Variants in KLHDC1 observed in about 807,000 individuals in gnomAD.
KLHDC1 encodes kelch domain containing 1.
KLHDC1 carries 53 observed loss-of-function variants against 68.3 expected under a neutral mutation model. The ratio of observed to expected loss-of-function variants is 0.78; its 90% CI spans 0.62 to 0.98. KLHDC1 has a LOEUF of 0.98. Ranked by LOEUF, KLHDC1 falls within the 50% of genes least tolerant of loss-of-function variation. The probability of loss-of-function intolerance (pLI) is 0.00; values close to 1 mark genes in which losing one functional copy is unlikely to be tolerated. For synonymous variants in KLHDC1, 148 were observed against 159.0 expected, an observed-to-expected ratio of 0.93 and a Z score of 0.52; for missense variants, 470 against 492.3, an observed-to-expected ratio of 0.95 and a Z score of 0.43.
Position 49,693,769 on chromosome 14 carries a change from T to A in KLHDC1, c.96+479T>A, listed in dbSNP as rs57908059. On this transcript the variant is annotated intron_variant, in intron 1 of 12. Transcript: ENST00000359332. ...TTTTCTTTTTTTTTTTTTTTTGAGA[T>A]GGAGTTTCGCTCTTGTTGCCCAGGG... Among the ~76,000 whole-genome samples, 2 of 54,184 alleles carry A rather than the reference T, an allele frequency of 3.7e-5. 1 individual carries two copies. Among genetic ancestry groups the A allele is most frequent in the Non-Finnish European group, 8.2e-5 (2 of 24,538 alleles). The allele number at this position is 54,184 out of a possible 152,430, so 35.5% of individuals were successfully genotyped here. A position where few individuals can be genotyped will look rare whatever the true frequency, so the allele number is the denominator to read the frequency against.
chr14:49,736,018 AAAAG>A (rs1888923123), intron 10 of KLHDC1, among the ~76,000 whole-genome samples: 1 of 152,214 alleles, frequency 6.6e-6, no homozygotes, highest in Non-Finnish European at 1.5e-5. Context: ...CTGTCTCAAA[AAAAG>A]AAAGAAAGAA....
intron 1 of KLHDC1, among the ~76,000 whole-genome samples, chr14:49,705,479 C>T (rs539866014): frequency 1.4e-5 from 2 of 148,028 alleles, no homozygotes; most frequent in East Asian, 4.0e-4. Flanking sequence ...AGCAATTCTC[C>T]TGTCTCAGCC....
chr14:49,736,054 C>T (rs563955875), intron 10 of KLHDC1, among the ~76,000 whole-genome samples: 86 of 152,160 alleles, frequency 5.7e-4, no homozygotes, highest in Middle Eastern at 3.4e-3. Context: ...ATTTTTTCAT[C>T]GGTGAAATAA....
intron 1 of KLHDC1, 92 bp downstream of exon 1, chr14:49,693,382 C>A: frequency 2.1e-6 from 2 of 940,960 alleles, no homozygotes; most frequent in Non-Finnish European, 2.9e-6. Flanking sequence ...CCCGAGGCTG[C>A]GGCCCAGGCC....
chr14:49,735,282 A>C (rs1340157509), intron 10 of KLHDC1, among the ~76,000 whole-genome samples: 1 of 152,022 alleles, frequency 6.6e-6, no homozygotes, highest in Admixed American at 6.6e-5. Flanking sequence ...TGAATAGTGT[A>C]ATAATATCTT....
In KLHDC1 at chr14:49,751,683, AC is replaced by A; in HGVS notation, c.1133del (p.Thr378AsnfsTer38). 13 of 1,608,998 alleles carry A rather than the reference AC, an allele frequency of 8.1e-6. No individual in the cohort carries two copies. The highest frequency in any genetic ancestry group is 9.3e-6 in the Non-Finnish European group (11 of 1,176,782). ...TCTGCAACAAGTACTCAAAAAAATA[AC>A]ATTTTGGGCTGCAGCTAATCACCGA... ...KLLQQVLKKI[T>X]FWAAANHREE... On this transcript the variant is annotated frameshift_variant, in exon 13 of 13. Coordinates refer to ENST00000359332, the MANE Select transcript of KLHDC1 (RefSeq NM_172193.3). LOFTEE classifies it high-confidence loss of function.
chr14:49,699,364 G>A (rs962347001), intron 1 of KLHDC1, among the ~76,000 whole-genome samples: 8 of 151,096 alleles, frequency 5.3e-5, no homozygotes, highest in African/African-American at 1.9e-4. Flanking sequence ...TAAGGCATAA[G>A]TGGAAGGAAA....
At position 49,726,771 on chromosome 14, in the gene KLHDC1, G is replaced by A. The variant is rs189778855; in HGVS notation, c.567+1002G>A. ...CACAGGGACCATAGCCTCAGGAACCGGAGCAGGTTACTCAGCATCCTCACA... is the reference window on the plus strand; with the variant it reads ...CACAGGGACCATAGCCTCAGGAACCAGAGCAGGTTACTCAGCATCCTCACA... On this transcript the variant is annotated intron_variant, in intron 6 of 12. Coordinates refer to ENST00000359332, the MANE Select transcript of KLHDC1 (RefSeq NM_172193.3). Among the ~76,000 whole-genome samples, 30 of 152,246 alleles carry A rather than the reference G, an allele frequency of 2.0e-4. 1 individual carries two copies. Among genetic ancestry groups the A allele is most frequent in the Admixed American group, 1.4e-3 (22 of 15,284 alleles).
chr14:49,695,982 C>T (rs1157940310), intron 1 of KLHDC1, among the ~76,000 whole-genome samples: 3 of 150,270 alleles, frequency 2.0e-5, no homozygotes, highest in Non-Finnish European at 3.0e-5. Context: ...AGGAGAATGG[C>T]GAGAACCCAG....
At chr14:49,719,794 T>C (rs1457666874) in intron 4 of KLHDC1, among the ~76,000 whole-genome samples, 1 of 151,714 alleles carries the variant, frequency 6.6e-6, no homozygotes, top group Admixed American at 6.6e-5. Flanking sequence ...TCCCTTCCTT[T>C]CTTTTTATTT....
chr14:49,735,178 T>A (rs1380749900), intron 10 of KLHDC1, among the ~76,000 whole-genome samples: 2 of 151,896 alleles, frequency 1.3e-5, no homozygotes, highest in African/African-American at 4.8e-5. Context: ...TTATGGTATA[T>A]TATAGAATTA....
At chr14:49,722,055 T>C (rs1193863088) in intron 4 of KLHDC1, among the ~76,000 whole-genome samples, 1 of 152,224 alleles carries the variant, frequency 6.6e-6, no homozygotes, top group African/African-American at 2.4e-5. Flanking sequence ...TGACTGACCC[T>C]GATCCCTCCC....
chr14:49,746,153 T>C (rs1390296433), intron 12 of KLHDC1, among the ~76,000 whole-genome samples: 1 of 152,008 alleles, frequency 6.6e-6, no homozygotes, highest in Non-Finnish European at 1.5e-5. Flanking sequence ...AGGAGGAATA[T>C]GGAGAAAGGC....
Position 49,723,946 on chromosome 14 carries a change from A to G in KLHDC1, c.477A>G (p.Ala159=). 6.3e-7 allele frequency: 1 copy of G among 1,587,932 alleles called. No homozygotes were observed. The highest frequency in any genetic ancestry group is 1.7e-5 in the Admixed American group (1 of 58,976). ...AAGACTGTTTTGATGTTCATGATGC[A>G]TCTTGGGTAAGATAGTAATCACTGT... ...ELQDCFDVHD[A]SWEEQIFWGW... The change falls in exon 5 of 13, where the codon GCA becomes GCG. Residue 159 remains alanine (A), a synonymous_variant. Coordinates refer to ENST00000359332, the MANE Select transcript of KLHDC1 (RefSeq NM_172193.3).
chr14:49,705,646 G>C (rs1210951746), intron 1 of KLHDC1, among the ~76,000 whole-genome samples: 1 of 151,934 alleles, frequency 6.6e-6, no homozygotes, highest in Non-Finnish European at 1.5e-5. Flanking sequence ...TAGGATTACA[G>C]GTGTGAGCCA....
chr14:49,704,823 C>T (rs962558979), intron 1 of KLHDC1, among the ~76,000 whole-genome samples: 4 of 152,088 alleles, frequency 2.6e-5, no homozygotes, highest in Non-Finnish European at 5.9e-5. Context: ...AGAAGGAAAA[C>T]TTGGACTGGG....
chr14:49,700,619 A>G lies in KLHDC1; in HGVS notation c.96+7329A>G, dbSNP rs150475110. ...TATCTGTATACATATGCTTAACTAC[A>G]TATTTCTGCTATGGATATGGATTTA... On this transcript the variant is annotated intron_variant, in intron 1 of 12. Transcript: ENST00000359332. Among the ~76,000 whole-genome samples the G allele has an allele frequency of 3.9e-5, 6 of 152,266 alleles. 1 individual carries two copies. The East Asian group carries it at 1.2e-3, about 29-fold the overall frequency.
At chr14:49,730,423 T>C (rs903593969) in intron 8 of KLHDC1, among the ~76,000 whole-genome samples, 3 of 151,922 alleles carry the variant, frequency 2.0e-5, no homozygotes, top group African/African-American at 7.3e-5. Context: ...GATTTCACCA[T>C]GTTGGCCAGG....
At chr14:49,695,115 G>GGTGTGTGTGTGTGTGT (rs753979963) in intron 1 of KLHDC1, among the ~76,000 whole-genome samples, 3 of 22,926 alleles carry the variant, frequency 1.3e-4, no homozygotes, top group Non-Finnish European at 1.1e-4. Context: ...ATGCAGTTTT[G>GGTGTGTGTGTGTGTGT]ATGTGTGTGT....
Sources: gnomAD v4.1 joint callset for allele counts (sites outside exome capture counted in the v4.1 genomes callset) on GRCh38, gnomAD v4.1.1 for gene constraint, MANE v1.5 for transcripts, NCBI Gene and HGNC (gene_info 2026-07-23, HGNC 2026-07-21) for gene names.